Variants in LIPH observed in about 807,000 individuals in gnomAD.
LIPH encodes the protein lipase H.
LIPH carries 32 observed loss-of-function variants against 47.6 expected under a neutral mutation model. The observed-to-expected ratio is 0.67, with a 90% CI of 0.51 to 0.90. LIPH has a LOEUF of 0.90. Among genes scored for constraint, LIPH ranks in the 40% least tolerant of loss-of-function variants. The pLI, the probability that LIPH is intolerant of heterozygous loss-of-function variation, is 0.00. For synonymous variants in LIPH, 190 were observed against 195.6 expected, an observed-to-expected ratio of 0.97 and a Z score of 0.24; for missense variants, 497 against 541.4, an observed-to-expected ratio of 0.92 and a Z score of 0.81.
rs950081556 is a variant in LIPH, at chr3:185,508,250, T to G, written c.*540A>C. The G allele has an allele frequency of 6.3e-6, 1 of 159,528 alleles. No homozygotes were observed. Among genetic ancestry groups the G allele is most frequent in the African/African-American group, 2.4e-5 (1 of 41,548 alleles). 9.9% of individuals were successfully genotyped at this position (159,528 alleles called of 1,614,324 possible). On this transcript the variant is annotated 3_prime_UTR_variant, in exon 10 of 10. Coordinates refer to ENST00000296252, the MANE Select transcript of LIPH (RefSeq NM_139248.3). ...GCCCAAATGTAAAAGCATATTCACATTTATCAAACATCTCATAGATGTGGC... is the reference window on the plus strand; with the variant it reads ...GCCCAAATGTAAAAGCATATTCACAGTTATCAAACATCTCATAGATGTGGC...
At chr3:185,513,580 T>C (rs1029183177) in intron 8 of LIPH, among the ~76,000 whole-genome samples, 1 of 152,074 alleles carries the variant, frequency 6.6e-6, no homozygotes, top group African/African-American at 2.4e-5. Context: ...CACTTCTGGA[T>C]ACAAGTCCAA....
At position 185,529,978 on chromosome 3, in the gene LIPH, G is replaced by GAAAGAAAGAAAGAA. The variant is rs796497732; in HGVS notation, c.527-2394_527-2393insTTCTTTCTTTCTTT. ...AGAAAGAAAGAAGGAAAGAAAGAAA[G>GAAAGAAAGAAAGAA]AGAGAGAGAGAGAAAATAAGCAGTG... On this transcript the variant is annotated intron_variant, in intron 3 of 9. Coordinates refer to ENST00000296252, the MANE Select transcript of LIPH (RefSeq NM_139248.3). 5.0e-4 allele frequency among the ~76,000 whole-genome samples: 50 copies of GAAAGAAAGAAAGAA among 99,036 alleles called. 1 individual carries two copies. The highest frequency in any genetic ancestry group is 1.1e-3 in the Admixed American group (11 of 10,060). 65.0% of individuals were successfully genotyped at this position (99,036 alleles called of 152,430 possible).
intron 1 of LIPH, among the ~76,000 whole-genome samples, chr3:185,545,120 T>G (rs1314309989): frequency 4.6e-5 from 7 of 151,410 alleles, no homozygotes; most frequent in Non-Finnish European, 1.0e-4. Flanking sequence ...AAGCTTAACT[T>G]CTTCTATTTG....
chr3:185,523,649 T>C (rs1003957770), intron 5 of LIPH, among the ~76,000 whole-genome samples: 2 of 152,126 alleles, frequency 1.3e-5, no homozygotes, highest in Non-Finnish European at 2.9e-5. Flanking sequence ...TCAAGCAATC[T>C]TCCCACCTTG....
chr3:185,512,511 T>G (rs1719600652), intron 8 of LIPH, among the ~76,000 whole-genome samples: 1 of 143,876 alleles, frequency 7.0e-6, no homozygotes, highest in Admixed American at 7.1e-5. Flanking sequence ...TTTTTTGAGA[T>G]GGATTCTTGC....
At chr3:185,524,853 G>A (rs759022708) in intron 4 of LIPH, among the ~76,000 whole-genome samples, 2 of 152,114 alleles carry the variant, frequency 1.3e-5, no homozygotes, top group Non-Finnish European at 2.9e-5. Flanking sequence ...AAAAATGAAT[G>A]TTTACTTAGT....
At chr3:185,539,270 A>G (rs1478855458) in intron 1 of LIPH, among the ~76,000 whole-genome samples, 1 of 151,288 alleles carries the variant, frequency 6.6e-6, no homozygotes, top group Non-Finnish European at 1.5e-5. Flanking sequence ...CCCAGCCTCA[A>G]ATGATATTTT....
chr3:185,542,441 C>T (rs113651041), intron 1 of LIPH, among the ~76,000 whole-genome samples: 55,393 of 151,890 alleles, frequency 0.36, 10,305 homozygotes, highest in Non-Finnish European at 0.4. Context: ...TTCAGCCTCC[C>T]GAGTAGTTGG....
At chr3:185,514,550 A>C (rs1015700713) in intron 7 of LIPH, 29 bp from the exon 8 acceptor site, 6 of 860,662 alleles carry the variant, frequency 7.0e-6, no homozygotes, top group African/African-American at 1.6e-5. Context: ...ACACGGTAAG[A>C]GAGAGATACT....
At position 185,514,262 on chromosome 3, in the gene LIPH, GAAGCAACT is replaced by G. The variant is rs910293091; in HGVS notation, c.1094+140_1094+147del. On this transcript the variant is annotated intron_variant, in intron 8 of 9. Coordinates refer to ENST00000296252, the MANE Select transcript of LIPH (RefSeq NM_139248.3). ...AGACCCTGGGAGATCAAGAACCAGGGAAGCAACTAAGCAATAGTTCCCCTTATATCTTT... is the reference window on the plus strand; with the variant it reads ...AGACCCTGGGAGATCAAGAACCAGGGAAGCAATAGTTCCCCTTATATCTTT... 7.8e-6 allele frequency: 5 copies of G among 640,096 alleles called. No individual in the cohort carries two copies. In the African/African-American group the frequency reaches 9.1e-5, roughly 12 times the overall value. 39.7% of individuals were successfully genotyped at this position (640,096 alleles called of 1,614,324 possible). A position where few individuals can be genotyped will look rare whatever the true frequency, so the allele number is the denominator to read the frequency against.
intron 5 of LIPH, among the ~76,000 whole-genome samples, chr3:185,521,835 A>G (rs886477463): frequency 6.6e-6 from 1 of 152,208 alleles, no homozygotes; most frequent in Admixed American, 6.5e-5. Flanking sequence ...AAAGTTCTGC[A>G]TGCTCTGGAT....
Position 185,534,674 on chromosome 3 carries a change from C to G in LIPH, c.417+91G>C, listed in dbSNP as rs1720444221. The G allele has an allele frequency of 2.2e-6, 3 of 1,365,258 alleles. No individual in the cohort carries two copies. In the East Asian group the frequency reaches 6.9e-5, roughly 31 times the overall value. 84.6% of individuals were successfully genotyped at this position (1,365,258 alleles called of 1,614,324 possible). A position where few individuals can be genotyped will look rare whatever the true frequency, so the allele number is the denominator to read the frequency against. On this transcript the variant is annotated intron_variant, in intron 2 of 9. Transcript: ENST00000296252. ...TTGCAAAATGTTGCAATATAGGCCT[C>G]CTGCTCACTGTAGCTATCTCTTGGC...
At chr3:185,516,718 A>G (rs1041690391) in intron 7 of LIPH, among the ~76,000 whole-genome samples, 48 of 152,092 alleles carry the variant, frequency 3.2e-4, no homozygotes, top group African/African-American at 1.1e-3. Flanking sequence ...TTTCTGGAAG[A>G]TCTTAGTGAT....
At position 185,508,395 on chromosome 3, in the gene LIPH, C is replaced by T. The variant is rs115973917; in HGVS notation, c.*395G>A. ...GTGTGGGAACTGGAGGAATGTGGCACGGAGAATGCAGAGTTGAGTCCACGG... is the reference window on the plus strand; with the variant it reads ...GTGTGGGAACTGGAGGAATGTGGCATGGAGAATGCAGAGTTGAGTCCACGG... On this transcript the variant is annotated 3_prime_UTR_variant, in exon 10 of 10. Transcript: ENST00000296252. 4.2e-3 allele frequency: 983 copies of T among 235,290 alleles called. 13 individuals carry two copies. The highest frequency in any genetic ancestry group is 0.02 in the African/African-American group (898 of 45,008). 14.6% of individuals were successfully genotyped at this position (235,290 alleles called of 1,614,324 possible).
intron 1 of LIPH, among the ~76,000 whole-genome samples, chr3:185,545,471 C>T (rs1252837414): frequency 6.6e-6 from 1 of 152,210 alleles, no homozygotes; most frequent in Admixed American, 6.5e-5. Context: ...ATATTGTCCA[C>T]GGCTACTTTC....
intron 1 of LIPH, among the ~76,000 whole-genome samples, chr3:185,539,844 G>C (rs1173540807): frequency 1.3e-5 from 2 of 152,188 alleles, no homozygotes; most frequent in Non-Finnish European, 2.9e-5. Flanking sequence ...ACTTCTGGAG[G>C]AAGCACAGCT....
intron 1 of LIPH, among the ~76,000 whole-genome samples, chr3:185,540,316 T>A (rs3849568): frequency 0.37 from 55,812 of 152,090 alleles, 10,393 homozygotes; most frequent in Non-Finnish European, 0.4. Context: ...CCTCATGTTT[T>A]TTGTTTTTGT....
chr3:185,552,310 C>T (rs975610836), intron 1 of LIPH, 113 bp downstream of exon 1: 11 of 650,932 alleles, frequency 1.7e-5, no homozygotes, highest in South Asian at 9.0e-5. Flanking sequence ...TCCTTAAAAA[C>T]GACTCTATGG....
chr3:185,518,522 C>G (rs1387999601), intron 6 of LIPH, among the ~76,000 whole-genome samples: 1 of 151,540 alleles, frequency 6.6e-6, no homozygotes, highest in Non-Finnish European at 1.5e-5. Context: ...CCTTGTGATT[C>G]GCCCACCTCA....
Sources: gnomAD v4.1 joint callset for allele counts (sites outside exome capture counted in the v4.1 genomes callset) on GRCh38, gnomAD v4.1.1 for gene constraint, MANE v1.5 for transcripts, NCBI Gene and HGNC (gene_info 2026-07-23, HGNC 2026-07-21) for gene names.